Variants in EML4 observed in about 807,000 individuals in gnomAD.
EML4 encodes the protein echinoderm microtubule-associated protein-like 4.
In EML4, 72 loss-of-function variants were observed where a neutral mutation model predicts 129.0. The ratio of observed to expected loss-of-function variants is 0.56; its 90% CI spans 0.46 to 0.68. The LOEUF (loss-of-function observed/expected upper bound fraction) is 0.68. Among genes scored for constraint, EML4 ranks in the 30% least tolerant of loss-of-function variants. The pLI is 0.00. For missense variants in EML4, 1,363 were observed against 1,190.6 expected (o/e 1.14, Z -2.13); for synonymous variants, 532 against 405.0 (o/e 1.31, Z -3.77).
In EML4 at chr2:42,331,779, C is replaced by T; in HGVS notation, c.*1572C>T. 1 of 221,938 alleles carries T rather than the reference C, an allele frequency of 4.5e-6. No individual in the cohort carries two copies. Among genetic ancestry groups the T allele is most frequent in the Non-Finnish European group, 9.0e-6 (1 of 110,706 alleles). 13.7% of individuals were successfully genotyped at this position (221,938 alleles called of 1,614,324 possible). On this transcript the variant is annotated 3_prime_UTR_variant, in exon 23 of 23. Transcript: ENST00000318522. The stretch of plus-strand genomic sequence containing the variant: ...CAAGGACATTTACAACATTTATATT[C>T]ACACGCTGTATGGAAGGGTGTGGGT...
At chr2:42,231,136 C>G (rs1440027189) in intron 1 of EML4, among the ~76,000 whole-genome samples, 4 of 152,240 alleles carry the variant, frequency 2.6e-5, no homozygotes, top group Admixed American at 2.0e-4. Flanking sequence ...GTTCCCATGA[C>G]TCCACTGAAA....
rs1215992336 is a variant in EML4, at chr2:42,326,227, C to T, written c.2316C>T (p.Thr772=). Residue 772 remains threonine, a synonymous_variant, in exon 21 of 23, where the codon ACC becomes ACT. Coordinates refer to ENST00000318522, the MANE Select transcript of EML4 (RefSeq NM_019063.5). The part of the protein sequence containing the change: ...DCKDIDWTTY[T]CVLGFQVFGV... Reference sequence around the variant, plus strand: ...AGGACATTGATTGGACGACATATACCTGTGTGCTAGGATTTCAAGTATTTG... The same window carrying T: ...AGGACATTGATTGGACGACATATACTTGTGTGCTAGGATTTCAAGTATTTG... 2.9e-5 allele frequency: 46 copies of T among 1,612,688 alleles called. No homozygotes were observed. The highest frequency in any genetic ancestry group is 3.6e-5 in the Non-Finnish European group (42 of 1,179,226).
intron 6 of EML4, among the ~76,000 whole-genome samples, chr2:42,265,201 G>C (rs1396007452): frequency 6.6e-6 from 1 of 151,348 alleles, no homozygotes; most frequent in Non-Finnish European, 1.5e-5. Context: ...AGTGATTCTT[G>C]TGCCTCCCAG....
At chr2:42,262,407 G>C (rs1665785373) in intron 4 of EML4, among the ~76,000 whole-genome samples, 1 of 152,036 alleles carries the variant, frequency 6.6e-6, no homozygotes, top group African/African-American at 2.4e-5. Context: ...TGTGGTTTAA[G>C]GTGGCTTTTT....
chr2:42,281,396 A>AG (rs1478623759), intron 7 of EML4, among the ~76,000 whole-genome samples: 5 of 136,476 alleles, frequency 3.7e-5, no homozygotes, highest in African/African-American at 1.4e-4. Flanking sequence ...CTGTCTCAAA[A>AG]GAAAAAAAAA....
At chr2:42,269,322 C>T (rs918959546) in intron 6 of EML4, among the ~76,000 whole-genome samples, 1 of 152,180 alleles carries the variant, frequency 6.6e-6, no homozygotes, top group African/African-American at 2.4e-5. Flanking sequence ...ATAATCTTGT[C>T]ATTCTAACAG....
rs527352934 is a variant in EML4 at position 42,287,147 on chromosome 2, A to G, written c.1122+768A>G. Among the ~76,000 whole-genome samples the G allele has an allele frequency of 2.0e-5, 3 of 152,296 alleles. No individual in the cohort carries two copies. In the South Asian group the frequency reaches 6.2e-4, roughly 32 times the overall value. On this transcript the variant is annotated intron_variant, in intron 10 of 22. Transcript: ENST00000318522. ...TCAGTTCTTAGCCATTGGCAACTGTATTCTGGATTATGGGAGTTTTGTGGG... is the reference window on the plus strand; with the variant it reads ...TCAGTTCTTAGCCATTGGCAACTGTGTTCTGGATTATGGGAGTTTTGTGGG...
At chr2:42,236,723 T>C (rs907751540) in intron 1 of EML4, among the ~76,000 whole-genome samples, 2 of 152,194 alleles carry the variant, frequency 1.3e-5, no homozygotes, top group East Asian at 1.9e-4. Context: ...TTACTAGATA[T>C]TGCCAAGGTT....
At chr2:42,276,143 A>C (rs138799415) in intron 6 of EML4, among the ~76,000 whole-genome samples, 1 of 152,146 alleles carries the variant, frequency 6.6e-6, no homozygotes, top group African/African-American at 2.4e-5. Flanking sequence ...CAAGGTAAAG[A>C]GTGTCTTCCT....
chr2:42,294,541 C>A (rs530939984), intron 11 of EML4, among the ~76,000 whole-genome samples: 40 of 152,216 alleles, frequency 2.6e-4, no homozygotes, highest in South Asian at 8.3e-4. Context: ...ATTGAAAATA[C>A]AAAACTTAGC....
chr2:42,171,693 T>C (rs976735818), intron 1 of EML4, among the ~76,000 whole-genome samples: 10 of 152,206 alleles, frequency 6.6e-5, no homozygotes, highest in African/African-American at 2.4e-4. Context: ...GCAGAGGAGA[T>C]ATGCCTATCA....
At chr2:42,300,442 C>T (rs1668218532) in intron 13 of EML4, among the ~76,000 whole-genome samples, 1 of 152,066 alleles carries the variant, frequency 6.6e-6, no homozygotes, top group African/African-American at 2.4e-5. Flanking sequence ...TTTTATGTAC[C>T]CCCTTGGTCT....
chr2:42,317,091 A>G lies in EML4; in HGVS notation c.2057-336A>G, dbSNP rs534493532. 3.3e-5 allele frequency among the ~76,000 whole-genome samples: 5 copies of G among 152,300 alleles called. No individual in the cohort carries two copies. The South Asian group carries it at 6.2e-4, about 19-fold the overall frequency. ...CACCTGTTCTGTAATTGGACAGATCATATATGCTAGATGAACTAAGCCCCT... is the reference window on the plus strand; with the variant it reads ...CACCTGTTCTGTAATTGGACAGATCGTATATGCTAGATGAACTAAGCCCCT... On this transcript the variant is annotated intron_variant, in intron 18 of 22. Transcript: ENST00000318522.
At chr2:42,264,854 A>T in intron 6 of EML4, 123 bp downstream of exon 6, 1 of 1,486,974 alleles carries the variant, frequency 6.7e-7, no homozygotes, top group Non-Finnish European at 9.2e-7. Context: ...AAAGTGCGTT[A>T]CTGTAGTCAT....
At chr2:42,220,363 AC>A (rs1198230996) in intron 1 of EML4, among the ~76,000 whole-genome samples, 1 of 151,658 alleles carries the variant, frequency 6.6e-6, no homozygotes, top group Admixed American at 6.6e-5. Flanking sequence ...GCTAGTTCTC[AC>A]AGTATTTCAA....
At chr2:42,241,089 G>A (rs927899806) in intron 1 of EML4, among the ~76,000 whole-genome samples, 1 of 152,082 alleles carries the variant, frequency 6.6e-6, no homozygotes, top group Non-Finnish European at 1.5e-5. Flanking sequence ...TTGAACCCAT[G>A]AGGCGGAGGT....
chr2:42,264,755 A>T (rs757351685), intron 6 of EML4, 24 bp downstream of exon 6: 4 of 1,465,814 alleles, frequency 2.7e-6, no homozygotes, highest in South Asian at 1.2e-5. Flanking sequence ...CCTTTTAAAA[A>T]TTTTATTTTG....
chr2:42,288,181 G>A (rs752603052), intron 10 of EML4, 46 bp from the exon 11 acceptor site: 2 of 789,146 alleles, frequency 2.5e-6, no homozygotes, highest in Admixed American at 4.8e-5. Flanking sequence ...TAGAATGTTA[G>A]CCCTATCAGT....
intron 1 of EML4, among the ~76,000 whole-genome samples, chr2:42,232,911 G>C (rs13032330): frequency 6.6e-6 from 1 of 152,108 alleles, no homozygotes; most frequent in African/African-American, 2.4e-5. Context: ...TTTTTTAGTA[G>C]AGATGGGGTT....
Sources: allele counts gnomAD v4.1 joint callset (sites outside exome capture counted in the v4.1 genomes callset), GRCh38; gene constraint gnomAD v4.1.1; transcripts MANE v1.5; gene names NCBI Gene and HGNC (gene_info 2026-07-23, HGNC 2026-07-21).